Variants in NUP153 observed in about 807,000 individuals in gnomAD.
The protein encoded by NUP153 is nuclear pore complex protein Nup153.
Under a neutral mutation model 134.6 loss-of-function variants are expected in NUP153, and 27 were observed. That is an observed-to-expected ratio of 0.20 (90% CI 0.15 to 0.28). The LOEUF (loss-of-function observed/expected upper bound fraction) is 0.28, where lower values mean the gene tolerates loss of function less well. Among genes scored for constraint, NUP153 ranks in the 10% least tolerant of loss-of-function variants. NUP153 has a pLI of 1.00. For missense variants in NUP153, 1,821 were observed against 1,731.3 expected, an observed-to-expected ratio of 1.05 and a Z score of -0.92; for synonymous variants, 640 against 623.5, an observed-to-expected ratio of 1.03 and a Z score of -0.40.
chr6:17,672,237 G>A (rs925353291), intron 5 of NUP153, among the ~76,000 whole-genome samples: 3 of 149,526 alleles, frequency 2.0e-5, no homozygotes, highest in Non-Finnish European at 3.0e-5. Context: ...TGGGTCGGGG[G>A]AGGGATGGTC....
rs148383798 is a variant in NUP153 at position 17,629,009 on chromosome 6, T to C, written c.3190A>G (p.Thr1064Ala). The C allele has an allele frequency of 1.1e-3, 1,782 of 1,614,164 alleles. 2 individuals are homozygous for C. Among genetic ancestry groups the C allele is most frequent in the Non-Finnish European group, 1.4e-3 (1,662 of 1,180,024 alleles). Residue 1064 changes from threonine to alanine, a missense_variant, in exon 18 of 22, where the codon ACA (threonine) becomes GCA (alanine). Transcript: ENST00000262077. ...TTTTTAGCTTCTGATGTCTTACATGTGAAAGGAGCCACTGAAGCACTCTTG... is the reference window on the plus strand; with the variant it reads ...TTTTTAGCTTCTGATGTCTTACATGCGAAAGGAGCCACTGAAGCACTCTTG... ...ETKSASVAPF[T>A]CKTSEAKKEE...
intron 11 of NUP153, 22 bp from the exon 12 acceptor site, chr6:17,649,322 G>A: frequency 6.3e-7 from 1 of 1,596,348 alleles, no homozygotes; most frequent in Non-Finnish European, 8.5e-7. Flanking sequence ...CATGTTGCAT[G>A]ATATATTTCA....
intron 21 of NUP153, among the ~76,000 whole-genome samples, 153 bp from the exon 22 acceptor site, chr6:17,616,334 C>T (rs1474783284): frequency 6.6e-6 from 1 of 152,044 alleles, no homozygotes; most frequent in Non-Finnish European, 1.5e-5. Context: ...ACACCTAACA[C>T]ACACGCTACT....
At chr6:17,617,325 T>C (rs1048949631) in intron 20 of NUP153, among the ~76,000 whole-genome samples, 3 of 152,122 alleles carry the variant, frequency 2.0e-5, no homozygotes, top group Admixed American at 1.3e-4. Context: ...TACAAAGATA[T>C]AGGTTTAGAA....
At position 17,688,112 on chromosome 6, in the gene NUP153, C is replaced by CACAGA. The variant is rs1769049558; in HGVS notation, c.334+283_334+284insTCTGT. ...CAGCCTGGGCCACAGAGCGAGACTC[C>CACAGA]GTCTCAAAAAACAAAAAAAAGAAAG... On this transcript the variant is annotated intron_variant, in intron 2 of 21. Coordinates refer to ENST00000262077, the MANE Select transcript of NUP153 (RefSeq NM_005124.4). Among the ~76,000 whole-genome samples the CACAGA allele has an allele frequency of 4.0e-5, 6 of 151,036 alleles. No individual in the cohort carries two copies. The East Asian group carries it at 9.7e-4, about 24-fold the overall frequency.
intron 1 of NUP153, among the ~76,000 whole-genome samples, chr6:17,704,836 G>A (rs1581795106): frequency 6.6e-6 from 1 of 151,196 alleles, no homozygotes; most frequent in East Asian, 1.9e-4. Flanking sequence ...CTCTGCTCAC[G>A]GCAAGCTCCG....
chr6:17,670,972 G>A (rs1043205194), intron 5 of NUP153, among the ~76,000 whole-genome samples: 12 of 151,832 alleles, frequency 7.9e-5, no homozygotes, highest in East Asian at 3.9e-4. Flanking sequence ...AACTGCAACC[G>A]GCTAATTTTT....
In NUP153 at chr6:17,629,182, C is replaced by A. The variant is rs756923507; in HGVS notation, c.3017G>T (p.Gly1006Val). 8.2e-5 allele frequency: 133 copies of A among 1,613,170 alleles called. No homozygotes were observed. The highest frequency in any genetic ancestry group is 1.1e-4 in the Non-Finnish European group (125 of 1,179,862). The change falls in exon 18 of 22, where the codon GGA (glycine) becomes GTA (valine). Residue 1006 changes from glycine to valine, a missense_variant. Physicochemically the swap from Gly to Val is moderately radical, Grantham distance 109. Coordinates refer to ENST00000262077, the MANE Select transcript of NUP153 (RefSeq NM_005124.4). The stretch of plus-strand genomic sequence containing the variant: ...CAGTTCCTCTTTCTTTTCTTCCTGT[C>A]CAAGATTAGATACCCCAAATTGAAA... ...TPFQFGVSNL[G>V]QEEKKEELPK...
intron 2 of NUP153, among the ~76,000 whole-genome samples, chr6:17,686,739 A>G (rs1768956947): frequency 6.6e-6 from 1 of 151,832 alleles, no homozygotes; most frequent in Non-Finnish European, 1.5e-5. Context: ...TTTTTGAAGT[A>G]GATATCAAAA....
chr6:17,649,248 G>A lies in NUP153; in HGVS notation c.1448C>T (p.Ser483Leu). ...GGAACTAAAATTAAAGGTAGGCAGT[G>A]AAGAACTGGTGATCGGTAGAGAGAT... Reference protein sequence around the residue: ...PKISLPITSSSLPTFNFSSPE... With the variant: ...PKISLPITSSLLPTFNFSSPE... The change falls in exon 12 of 22, where the codon TCA becomes TTA. Residue 483 changes from serine to leucine, a missense_variant. By Grantham distance (145) the Ser-to-Leu change is moderately radical. Coordinates refer to ENST00000262077, the MANE Select transcript of NUP153 (RefSeq NM_005124.4). 1.2e-6 allele frequency: 2 copies of A among 1,613,846 alleles called. No homozygotes were observed. The highest frequency in any genetic ancestry group is 1.7e-6 in the Non-Finnish European group (2 of 1,179,834).
chr6:17,675,081 G>A lies in NUP153; in HGVS notation c.724-48C>T, dbSNP rs2113834097. ...ATTATAAGCCATATGAACCCAGGAG[G>A]TGGAGGTTGCAGTGAGTTAAGATCA... On this transcript the variant is annotated intron_variant, in intron 4 of 21. Coordinates refer to ENST00000262077, the MANE Select transcript of NUP153 (RefSeq NM_005124.4). The surrounding 1 kb of genome is among the most constrained non-coding windows in gnomAD (Gnocchi z 4.4). 6.2e-7 allele frequency: 1 copy of A among 1,605,034 alleles called. No individual in the cohort carries two copies. The highest frequency in any genetic ancestry group is 1.3e-5 in the African/African-American group (1 of 74,622).
Position 17,630,774 on chromosome 6 carries a change from GAGGAGAGAAGAGAGAAGAC to G in NUP153, c.2660-1254_2660-1236del, listed in dbSNP as rs1177872937. Reference sequence around the variant, plus strand: ...AAGGGAGGGGAGAGGGGAGAGGGGAGAGGAGAGAAGAGAGAAGACAGGAGAGAAGAGAGAGGAGAGAAGA... The same window carrying G: ...AAGGGAGGGGAGAGGGGAGAGGGGAGAGGAGAGAAGAGAGAGGAGAGAAGA... On this transcript the variant is annotated intron_variant, in intron 17 of 21. Coordinates refer to ENST00000262077, the MANE Select transcript of NUP153 (RefSeq NM_005124.4). 1.6e-4 allele frequency among the ~76,000 whole-genome samples: 24 copies of G among 150,850 alleles called. No individual in the cohort carries two copies. In the East Asian group the frequency reaches 4.1e-3, roughly 26 times the overall value.
intron 1 of NUP153, among the ~76,000 whole-genome samples, chr6:17,696,838 C>A (rs973041911): frequency 6.6e-6 from 1 of 151,872 alleles, no homozygotes; most frequent in Non-Finnish European, 1.5e-5. Context: ...ATTGGGAGGC[C>A]GAGGTGGGCA....
chr6:17,654,662 T>A (rs1049461368), intron 11 of NUP153, among the ~76,000 whole-genome samples: 4 of 152,128 alleles, frequency 2.6e-5, no homozygotes, highest in Non-Finnish European at 5.9e-5. Flanking sequence ...CTCCCCCAAA[T>A]TTTGACTTAG....
intron 16 of NUP153, among the ~76,000 whole-genome samples, chr6:17,634,997 C>T (rs986182949): frequency 3.3e-5 from 5 of 150,856 alleles, no homozygotes; most frequent in African/African-American, 7.3e-5. Context: ...AAAAATAAAT[C>T]GCAAAAGAAT....
intron 1 of NUP153, among the ~76,000 whole-genome samples, chr6:17,703,413 T>C (rs2057539): frequency 0.11 from 16,155 of 152,054 alleles, 908 homozygotes; most frequent in Admixed American, 0.13. Flanking sequence ...AGACCTCTCA[T>C]TGTTTCTTAC....
Position 17,669,045 on chromosome 6 carries a change from A to T in NUP153, c.1015-17T>A. 2 of 1,453,004 alleles carry T rather than the reference A, an allele frequency of 1.4e-6. No individual in the cohort carries two copies. The highest frequency in any genetic ancestry group is 1.8e-6 in the Non-Finnish European group (2 of 1,082,744). 90.0% of individuals were successfully genotyped at this position (1,453,004 alleles called of 1,614,324 possible). Reference sequence around the variant, plus strand: ...ATCAAGAGGCTGAAAAAAAAAAAAAACACTATTAGAATAGATGGGGAGTTA... The same window carrying T: ...ATCAAGAGGCTGAAAAAAAAAAAAATCACTATTAGAATAGATGGGGAGTTA... On this transcript the variant is annotated splice_polypyrimidine_tract_variant and intron_variant, in intron 7 of 21. Transcript: ENST00000262077.
At chr6:17,632,549 G>A (rs1765310667) in intron 17 of NUP153, 101 bp downstream of exon 17, 1 of 769,882 alleles carries the variant, frequency 1.3e-6, no homozygotes, top group South Asian at 2.1e-5. Flanking sequence ...TTTCAAGAGA[G>A]AATGAGTGAA....
Position 17,628,619 on chromosome 6 carries a change from A to AATAATAAT in NUP153, c.3544+35_3544+36insATTATTAT, listed in dbSNP as rs1554136720. 8.3e-5 allele frequency: 96 copies of AATAATAAT among 1,158,992 alleles called. No homozygotes were observed. The highest frequency in any genetic ancestry group is 2.5e-4 in the Admixed American group (6 of 24,160). The allele number at this position is 1,158,992 out of a possible 1,614,324, so 71.8% of individuals were successfully genotyped here. A position where few individuals can be genotyped will look rare whatever the true frequency, so the allele number is the denominator to read the frequency against. On this transcript the variant is annotated intron_variant, in intron 18 of 21. Transcript: ENST00000262077. This position sits in a 1 kb window ranked among gnomAD's most constrained non-coding sequence, Gnocchi z 5.4. ...GTAAAACGACAACTTGTAAAAAAAA[A>AATAATAAT]AATAATAATAATAATAATAAAAAGT...
Sources: allele counts gnomAD v4.1 joint callset (sites outside exome capture counted in the v4.1 genomes callset), GRCh38; gene constraint gnomAD v4.1.1; non-coding constraint Gnocchi (gnomAD v3.1); transcripts MANE v1.5; gene names NCBI Gene and HGNC (gene_info 2026-07-23, HGNC 2026-07-21).